The following PCDHGB3 variants were observed in gnomAD, a reference collection of about 807,000 sequenced individuals.
PCDHGB3 encodes the protein protocadherin gamma-B3.
A neutral mutation model predicts 59.2 loss-of-function variants in PCDHGB3; 40 were observed. The ratio of observed to expected loss-of-function variants is 0.68; its 90% CI spans 0.52 to 0.88. PCDHGB3 has a LOEUF of 0.88. Ranked by LOEUF, PCDHGB3 falls within the 40% of genes least tolerant of loss-of-function variation. The pLI is 0.00. For synonymous variants in PCDHGB3, 581 were observed against 503.6 expected (o/e 1.15, Z -2.06); for missense variants, 1,309 against 1,187.9 (o/e 1.10, Z -1.50).
At position 141,490,276 on chromosome 5, in the gene PCDHGB3, A is replaced by T; in HGVS notation, c.2416-4531A>T. 1 of 1,614,236 alleles carries T rather than the reference A, an allele frequency of 6.2e-7. No individual in the cohort carries two copies. Among genetic ancestry groups the T allele is most frequent in the Non-Finnish European group, 8.5e-7 (1 of 1,180,036 alleles). On this transcript the variant is annotated intron_variant, in intron 1 of 3. Transcript: ENST00000576222. This position sits in a 1 kb window ranked among gnomAD's most constrained non-coding sequence, Gnocchi z 5.4. ...AGTGGATGTGGGGGATGTCAATGACAATGCCCCAGAGGTGCTATTGGCCTC... is the reference window on the plus strand; with the variant it reads ...AGTGGATGTGGGGGATGTCAATGACTATGCCCCAGAGGTGCTATTGGCCTC...
At position 141,405,272 on chromosome 5, in the gene PCDHGB3, A is replaced by G. The variant is rs551265067; in HGVS notation, c.2415+32463A>G. The G allele has an allele frequency of 9.3e-6, 15 of 1,614,170 alleles. No individual in the cohort carries two copies. In the South Asian group the frequency reaches 1.6e-4, roughly 18 times the overall value. On this transcript the variant is annotated intron_variant, in intron 1 of 3. Transcript: ENST00000576222. ...GAGTCACCTGATCTTCCCCCAGCCC[A>G]ACTATGCAGACACACTCATCAGCCA...
intron 1 of PCDHGB3, among the ~76,000 whole-genome samples, chr5:141,443,789 A>G (rs1316614117): frequency 6.6e-6 from 1 of 152,234 alleles, no homozygotes; most frequent in East Asian, 1.9e-4. Context: ...GACAAAAAAA[A>G]TGAAAAGGAA....
chr5:141,475,424 T>C (rs2099363271), intron 1 of PCDHGB3, among the ~76,000 whole-genome samples: 1 of 152,244 alleles, frequency 6.6e-6, no homozygotes, highest in African/African-American at 2.4e-5. Context: ...CTCCTGCTAA[T>C]TTGATAGTAG....
At chr5:141,501,540 A>G (rs151047391) in intron 2 of PCDHGB3, among the ~76,000 whole-genome samples, 2 of 152,138 alleles carry the variant, frequency 1.3e-5, no homozygotes, top group East Asian at 3.9e-4. Flanking sequence ...GTTGTTGTGC[A>G]TAAGATCATA....
chr5:141,453,620 A>G (rs2098770145), intron 1 of PCDHGB3, among the ~76,000 whole-genome samples: 1 of 152,196 alleles, frequency 6.6e-6, no homozygotes. Context: ...CAAAAACAAA[A>G]CCTATACATA....
At chr5:141,403,773 AC>A (rs2094454199) in intron 1 of PCDHGB3, 1 of 1,613,838 alleles carries the variant, frequency 6.2e-7, no homozygotes, top group South Asian at 1.1e-5. Flanking sequence ...GAGGGAATCA[AC>A]GGAAAAGTGG....
At chr5:141,423,318 G>T (rs1165459779) in intron 1 of PCDHGB3, 17 of 1,614,006 alleles carry the variant, frequency 1.1e-5, no homozygotes, top group South Asian at 8.8e-5. Context: ...TGGTGGTGGC[G>T]GTGGCCGCAG....
chr5:141,414,443 A>G (rs1413718059), intron 1 of PCDHGB3: 1 of 1,613,892 alleles, frequency 6.2e-7, no homozygotes, highest in Non-Finnish European at 8.5e-7. Flanking sequence ...TCCTCTTACA[A>G]TATCACAGTG....
chr5:141,421,537 T>C (rs11167744), intron 1 of PCDHGB3: 139,246 of 1,613,908 alleles, frequency 0.086, 6,702 homozygotes, highest in East Asian at 0.14. Context: ...GTCCTCCTGT[T>C]TTTTAAATAT....
intron 1 of PCDHGB3, chr5:141,391,295 G>A (rs1373471979): frequency 6.6e-6 from 1 of 151,134 alleles, no homozygotes; most frequent in Non-Finnish European, 1.5e-5. Context: ...AGAAGGAAAC[G>A]TCTTTCGATT....
intron 1 of PCDHGB3, among the ~76,000 whole-genome samples, chr5:141,387,456 T>C (rs1444030980): frequency 6.6e-6 from 1 of 152,246 alleles, no homozygotes; most frequent in Non-Finnish European, 1.5e-5. Context: ...ATGATTTGCC[T>C]AAAAATCCTC....
intron 1 of PCDHGB3, chr5:141,430,592 C>A (rs2097296542): frequency 1.8e-6 from 1 of 544,568 alleles, no homozygotes; most frequent in Non-Finnish European, 2.9e-6. Flanking sequence ...TCGCCTTGCA[C>A]GCGCCTGAAG....
intron 1 of PCDHGB3, chr5:141,384,681 G>A (rs1373910602): frequency 6.2e-7 from 1 of 1,614,180 alleles, no homozygotes; most frequent in South Asian, 1.1e-5. Context: ...TGGTGGCGGT[G>A]GACAAAGATT....
chr5:141,370,601 T>G lies in PCDHGB3; in HGVS notation c.207T>G (p.Ile69Met). Residue 69 changes from isoleucine to methionine, a missense_variant, in exon 1 of 4, where the codon ATT (isoleucine) becomes ATG (methionine). Ile to Met is a conservative substitution (Grantham distance 10). Coordinates refer to ENST00000576222, the MANE Select transcript of PCDHGB3 (RefSeq NM_018924.5). ...TACCTACTAGGAACCTGCGGGTTAT[T>G]GCAGAGAAGAAATTCTTTACCGTGA... ...GDLPTRNLRV[I>M]AEKKFFTVSP... The G allele has an allele frequency of 1.2e-6, 2 of 1,614,004 alleles. No individual in the cohort carries two copies. The highest frequency in any genetic ancestry group is 1.7e-6 in the Non-Finnish European group (2 of 1,179,896).
chr5:141,392,879 G>C, intron 1 of PCDHGB3: 1 of 1,613,512 alleles, frequency 6.2e-7, no homozygotes, highest in Non-Finnish European at 8.5e-7. Context: ...TGCTGGGAAC[G>C]CTGTGGGAAA....
chr5:141,419,122 C>T (rs1418298635), intron 1 of PCDHGB3: 2 of 1,613,862 alleles, frequency 1.2e-6, no homozygotes, highest in African/African-American at 1.3e-5. Flanking sequence ...ACAACGTCAC[C>T]ATCGCAGCCA....
chr5:141,385,004 G>T, intron 1 of PCDHGB3: 1 of 1,614,140 alleles, frequency 6.2e-7, no homozygotes, highest in Non-Finnish European at 8.5e-7. Flanking sequence ...ACAGTCTCCT[G>T]CGTCTTCCTA....
chr5:141,421,611 T>C lies in PCDHGB3; in HGVS notation c.2415+48802T>C, dbSNP rs747573417. 6.8e-6 allele frequency: 11 copies of C among 1,613,694 alleles called. No homozygotes were observed. The African/African-American group carries it at 1.3e-4, about 20-fold the overall frequency. On this transcript the variant is annotated intron_variant, in intron 1 of 3. Transcript: ENST00000576222. ...TGGAGGTGGAAATAATAGATATTAA[T>C]GATAACGCCCCCAGCTTCCAGGAGG...
At chr5:141,423,660 G>A (rs765304048) in intron 1 of PCDHGB3, 1 of 1,560,482 alleles carries the variant, frequency 6.4e-7, no homozygotes, top group Admixed American at 1.9e-5. Flanking sequence ...CAAGTAATCA[G>A]GTGAGATTTA....
Sources: allele counts gnomAD v4.1 joint callset (sites outside exome capture counted in the v4.1 genomes callset), GRCh38; gene constraint gnomAD v4.1.1; non-coding constraint Gnocchi (gnomAD v3.1); transcripts MANE v1.5; gene names NCBI Gene and HGNC (gene_info 2026-07-23, HGNC 2026-07-21).